XRRA1: variants seen among roughly 807,000 people sequenced by gnomAD.
XRRA1 encodes the protein X-ray radiation resistance-associated protein 1.
Under a neutral mutation model 80.2 loss-of-function variants are expected in XRRA1, and 69 were observed. That is an observed-to-expected ratio of 0.86 (90% CI 0.71 to 1.05). The LOEUF (loss-of-function observed/expected upper bound fraction) is 1.05. Among genes scored for constraint, XRRA1 ranks in the 50% least tolerant of loss-of-function variants. The probability of loss-of-function intolerance (pLI) is 0.00; values close to 1 mark genes in which losing one functional copy is unlikely to be tolerated. For synonymous variants in XRRA1, 348 were observed against 389.9 expected (o/e 0.89, Z 1.27); for missense variants, 967 against 976.4 (o/e 0.99, Z 0.13).
rs1451524461 is a variant in XRRA1, at chr11:74,845,201, G to C, written c.1799C>G (p.Pro600Arg). The C allele has an allele frequency of 1.9e-6, 3 of 1,613,934 alleles. No homozygotes were observed. Among genetic ancestry groups the C allele is most frequent in the Non-Finnish European group, 2.5e-6 (3 of 1,179,908 alleles). The stretch of plus-strand genomic sequence containing the variant: ...TTTCACCTCTCTGGGTGCCGTTGGT[G>C]GTTTCTTTTGGTCTTTCTCCTTTAA... Reference protein sequence around the residue: ...LELKEKDQKKPPTAPREVKGT... With the variant: ...LELKEKDQKKRPTAPREVKGT... Residue 600 changes from proline (P) to arginine (R), a missense_variant, in exon 16 of 19, where the codon CCA (proline) becomes CGA (arginine). Physicochemically the swap from Pro to Arg is moderately radical, Grantham distance 103. Coordinates refer to ENST00000684022, the MANE Select transcript of XRRA1 (RefSeq NM_001378157.1).
At chr11:74,925,926 C>A (rs1218770254) in intron 7 of XRRA1, among the ~76,000 whole-genome samples, 3 of 152,212 alleles carry the variant, frequency 2.0e-5, no homozygotes, top group Admixed American at 2.0e-4. Flanking sequence ...AGCTCCCAGG[C>A]TCAAAGGTCA....
At chr11:74,891,893 T>G (rs997863120) in intron 10 of XRRA1, among the ~76,000 whole-genome samples, 8 of 151,988 alleles carry the variant, frequency 5.3e-5, no homozygotes, top group African/African-American at 1.5e-4. Flanking sequence ...CACTGCTCAA[T>G]GAAATAAAAG....
intron 12 of XRRA1, among the ~76,000 whole-genome samples, chr11:74,855,875 C>T (rs1171366935): frequency 6.6e-6 from 1 of 152,170 alleles, no homozygotes; most frequent in Non-Finnish European, 1.5e-5. Context: ...TGGCTCACGC[C>T]TGTAATCCTA....
Position 74,843,852 on chromosome 11 carries a change from A to C in XRRA1, c.2149+2T>G. 1 of 1,605,908 alleles carries C rather than the reference A, an allele frequency of 6.2e-7. No individual in the cohort carries two copies. Among genetic ancestry groups the C allele is most frequent in the South Asian group, 1.1e-5 (1 of 89,396 alleles). On this transcript the variant is annotated splice_donor_variant, in intron 18 of 18. Transcript: ENST00000684022. LOFTEE classifies it high-confidence loss of function. ...ATCCTGGCAGCTGTGGCAGAGCCGT[A>C]CCTAGTGGAGCCTCTGTAATGTTCC...
intron 11 of XRRA1, among the ~76,000 whole-genome samples, chr11:74,861,526 A>C (rs1229002764): frequency 5.4e-5 from 8 of 148,916 alleles, no homozygotes; most frequent in African/African-American, 9.9e-5. Context: ...ATCTAATTGC[A>C]CGAAAACAAG....
chr11:74,845,260 C>A lies in XRRA1; in HGVS notation c.1740G>T (p.Leu580=). The A allele has an allele frequency of 6.2e-7, 1 of 1,612,714 alleles. No homozygotes were observed. Among genetic ancestry groups the A allele is most frequent in the Admixed American group, 1.7e-5 (1 of 59,736 alleles). ...CATCCTTATGGATGACGGAGGAAGG[C>A]AGTTCACTCACCTGTGCCCAGGAAG... ...ESIFLTQVSE[L]PSSVIHKDDL... is the part of the protein sequence containing the mutation. The change falls in exon 16 of 19, where the codon CTG becomes CTT. Residue 580 remains leucine, a synonymous_variant. Coordinates refer to ENST00000684022, the MANE Select transcript of XRRA1 (RefSeq NM_001378157.1).
At chr11:74,882,586 C>T (rs1364085802) in intron 10 of XRRA1, among the ~76,000 whole-genome samples, 3 of 152,216 alleles carry the variant, frequency 2.0e-5, no homozygotes, top group African/African-American at 7.2e-5. Flanking sequence ...GAGAGGCGCT[C>T]TGCTTTTTAG....
Position 74,843,291 on chromosome 11 carries a change from G to A in XRRA1, c.2312C>T (p.Ala771Val), listed in dbSNP as rs1458095449. The change falls in exon 19 of 19, where the codon GCG (alanine) becomes GTG (valine). Residue 771 changes from alanine to valine, a missense_variant. Transcript: ENST00000684022. ...GAACTTGGGCTGGCTCTCACTCAGC[G>A]CTGGGCAGGCCATGGGGAGCGGGGT... ...GTTPLPMACP[A>V]LSESQPKFGH... is the part of the protein sequence containing the mutation. The A allele has an allele frequency of 3.1e-6, 5 of 1,595,212 alleles. No homozygotes were observed. The highest frequency in any genetic ancestry group is 1.1e-5 in the South Asian group (1 of 87,908).
chr11:74,921,588 T>A (rs907425862), intron 7 of XRRA1, among the ~76,000 whole-genome samples: 6 of 152,168 alleles, frequency 3.9e-5, no homozygotes, highest in African/African-American at 7.2e-5. Flanking sequence ...TCCCCGCTGT[T>A]TGCCTCATCC....
rs529957383 is a variant in XRRA1 at position 74,841,132 on chromosome 11, A to G, written c.*2068T>C. ...TAATTAAATTTAATGATTTTAATTA[A>G]GAATTAAAAGCCAGCTAGCCAAATT... On this transcript the variant is annotated 3_prime_UTR_variant, in exon 19 of 19. Coordinates refer to ENST00000684022, the MANE Select transcript of XRRA1 (RefSeq NM_001378157.1). 1 of 152,210 alleles carries G rather than the reference A, an allele frequency of 6.6e-6. No individual in the cohort carries two copies. The highest frequency in any genetic ancestry group is 1.5e-5 in the Non-Finnish European group (1 of 68,040). The allele number at this position is 152,210 out of a possible 1,614,324, so 9.4% of individuals were successfully genotyped here.
At chr11:74,940,747 G>C in intron 3 of XRRA1, 38 bp downstream of exon 3, 10 of 1,518,346 alleles carry the variant, frequency 6.6e-6, no homozygotes, top group Non-Finnish European at 9.0e-6. Flanking sequence ...CACGAGCTAG[G>C]TATGAGGAAA....
chr11:74,898,723 A>T (rs1378438537), intron 10 of XRRA1, among the ~76,000 whole-genome samples: 1 of 152,216 alleles, frequency 6.6e-6, no homozygotes, highest in Non-Finnish European at 1.5e-5. Flanking sequence ...AGATATACTG[A>T]TTACAAATAT....
At chr11:74,899,609 A>C (rs2053153307) in intron 10 of XRRA1, among the ~76,000 whole-genome samples, 1 of 152,214 alleles carries the variant, frequency 6.6e-6, no homozygotes, top group Non-Finnish European at 1.5e-5. Context: ...GAGGATCATA[A>C]GTGGCTACTA....
At chr11:74,920,371 AACTTATT>A (rs1468904705) in intron 8 of XRRA1, among the ~76,000 whole-genome samples, 1 of 152,222 alleles carries the variant, frequency 6.6e-6, no homozygotes, top group Non-Finnish European at 1.5e-5. Flanking sequence ...AAATCTAAGT[AACTTATT>A]ACATATATAC....
chr11:74,911,063 G>A (rs1028682763), intron 8 of XRRA1, among the ~76,000 whole-genome samples: 52 of 152,184 alleles, frequency 3.4e-4, no homozygotes, highest in East Asian at 1.4e-3. Context: ...GAAGACTTGC[G>A]AAGAGGAGGC....
At chr11:74,940,728 G>T in intron 3 of XRRA1, 57 bp downstream of exon 3, 1 of 1,387,964 alleles carries the variant, frequency 7.2e-7, no homozygotes, top group Non-Finnish European at 1.0e-6. Context: ...GATGTGAGAT[G>T]GTCTAAAGCA....
At chr11:74,888,897 G>T (rs527884824) in intron 10 of XRRA1, among the ~76,000 whole-genome samples, 2 of 152,254 alleles carry the variant, frequency 1.3e-5, no homozygotes, top group African/African-American at 4.8e-5. Flanking sequence ...AAGAAATATG[G>T]GACTATGTGA....
chr11:74,927,307 C>T (rs1942490549), intron 7 of XRRA1, 84 bp downstream of exon 7: 1 of 732,640 alleles, frequency 1.4e-6, no homozygotes. Flanking sequence ...AGCCCCTTCC[C>T]AACAGTTATA....
At chr11:74,893,562 A>T (rs1024068776) in intron 10 of XRRA1, among the ~76,000 whole-genome samples, 6 of 152,076 alleles carry the variant, frequency 3.9e-5, no homozygotes, top group Non-Finnish European at 5.9e-5. Context: ...ATAAAAAATA[A>T]AAATAAATAA....
Sources: allele counts gnomAD v4.1 joint callset (sites outside exome capture counted in the v4.1 genomes callset), GRCh38; gene constraint gnomAD v4.1.1; transcripts MANE v1.5; gene names NCBI Gene and HGNC (gene_info 2026-07-23, HGNC 2026-07-21).